ARL15: variants seen among roughly 807,000 people sequenced by gnomAD.
ARL15 encodes ADP-ribosylation factor-like protein 15.
A neutral mutation model predicts 25.2 loss-of-function variants in ARL15; 19 were observed. The observed-to-expected ratio is 0.75, with a 90% CI of 0.53 to 1.10. The LOEUF is 1.10. Ranked by LOEUF, ARL15 falls within the 50% of genes least tolerant of loss-of-function variation. ARL15 has a pLI of 0.00. For missense variants in ARL15, 220 were observed against 246.0 expected (o/e 0.89, Z 0.71); for synonymous variants, 94 against 86.8 (o/e 1.08, Z -0.46).
At chr5:53,960,197 T>C (rs945950233) in intron 4 of ARL15, among the ~76,000 whole-genome samples, 14 of 152,190 alleles carry the variant, frequency 9.2e-5, no homozygotes, top group African/African-American at 3.1e-4. Flanking sequence ...ATATATCATC[T>C]TCTCATTATC....
intron 3 of ARL15, 27 bp from the exon 4 acceptor site, chr5:54,113,437 T>C (rs1579812116): frequency 6.2e-7 from 1 of 1,602,176 alleles, no homozygotes; most frequent in Non-Finnish European, 8.5e-7. Flanking sequence ...AAATTTTCGT[T>C]TTAAAAAGAG....
intron 3 of ARL15, among the ~76,000 whole-genome samples, chr5:54,135,115 A>C (rs1008363511): frequency 1.3e-5 from 2 of 152,174 alleles, no homozygotes; most frequent in African/African-American, 4.8e-5. Context: ...GCACTTACAC[A>C]ATGAAATTTA....
chr5:54,106,834 G>A (rs1312771694), intron 4 of ARL15, among the ~76,000 whole-genome samples: 1 of 152,020 alleles, frequency 6.6e-6, no homozygotes, highest in African/African-American at 2.4e-5. Flanking sequence ...GGAGTAGACA[G>A]AGAAGTTATA....
intron 4 of ARL15, among the ~76,000 whole-genome samples, chr5:53,942,533 G>T (rs1580102877): frequency 6.6e-6 from 1 of 152,140 alleles, no homozygotes. Context: ...GGATCATGAG[G>T]TCAAGAGATC....
chr5:54,277,977 G>C (rs896621797), intron 1 of ARL15, among the ~76,000 whole-genome samples: 2 of 152,148 alleles, frequency 1.3e-5, no homozygotes, highest in Admixed American at 6.5e-5. Context: ...ACCATTCCTG[G>C]AGAAGGGCAA....
chr5:54,303,752 A>G (rs2112718408), intron 1 of ARL15, among the ~76,000 whole-genome samples: 1 of 144,170 alleles, frequency 6.9e-6, no homozygotes, highest in Non-Finnish European at 1.5e-5. Context: ...GGGGAGGGGA[A>G]AGGAGGGGAA....
intron 4 of ARL15, among the ~76,000 whole-genome samples, chr5:53,928,723 G>A (rs1182101571): frequency 6.6e-6 from 1 of 152,158 alleles, no homozygotes; most frequent in Admixed American, 6.5e-5. Context: ...ATTCCAGGAA[G>A]TGGCTGTCGG....
At chr5:54,163,356 C>CTTTTTT (rs869196680) in intron 2 of ARL15, among the ~76,000 whole-genome samples, 7 of 55,702 alleles carry the variant, frequency 1.3e-4, no homozygotes, top group Admixed American at 2.7e-4. Context: ...TGGTATGAAG[C>CTTTTTT]TTTTTTTTTT....
chr5:54,089,964 G>A (rs1325159926), intron 4 of ARL15, among the ~76,000 whole-genome samples: 2 of 152,072 alleles, frequency 1.3e-5, no homozygotes, highest in Non-Finnish European at 2.9e-5. Context: ...ACCATATACT[G>A]ATAAGGATAT....
chr5:54,109,527 G>GGATT (rs1262239401), intron 4 of ARL15, among the ~76,000 whole-genome samples: 1 of 151,850 alleles, frequency 6.6e-6, no homozygotes, highest in African/African-American at 2.4e-5. Flanking sequence ...AAGGAAAATA[G>GGATT]GATTACATTT....
intron 3 of ARL15, among the ~76,000 whole-genome samples, chr5:54,114,934 A>G (rs932016538): frequency 1.3e-5 from 2 of 152,222 alleles, no homozygotes; most frequent in Non-Finnish European, 2.9e-5. Flanking sequence ...CATCCACTGA[A>G]CATCTAGCTC....
intron 3 of ARL15, among the ~76,000 whole-genome samples, chr5:54,122,024 T>C (rs553562728): frequency 2.6e-5 from 4 of 152,294 alleles, no homozygotes; most frequent in African/African-American, 9.6e-5. Flanking sequence ...TACCTGGAAG[T>C]AAAAGGCTAC....
chr5:54,180,045 C>T (rs971091417), intron 1 of ARL15, among the ~76,000 whole-genome samples: 4 of 150,358 alleles, frequency 2.7e-5, no homozygotes, highest in African/African-American at 9.8e-5. Context: ...AAAGAGAAGC[C>T]CATGTGAGCT....
At chr5:53,948,726 T>C (rs1746834898) in intron 4 of ARL15, among the ~76,000 whole-genome samples, 2 of 152,230 alleles carry the variant, frequency 1.3e-5, no homozygotes, top group Admixed American at 1.3e-4. Flanking sequence ...CCAGGGGTCA[T>C]ACACTTGCTA....
intron 3 of ARL15, among the ~76,000 whole-genome samples, chr5:54,143,252 G>C (rs1753818725): frequency 6.6e-6 from 1 of 151,868 alleles, no homozygotes; most frequent in Non-Finnish European, 1.5e-5. Flanking sequence ...ATTTCTCTTA[G>C]TTTTAGCTTT....
At chr5:54,079,977 A>ACC (rs1159852222) in intron 4 of ARL15, among the ~76,000 whole-genome samples, 2 of 104,722 alleles carry the variant, frequency 1.9e-5, no homozygotes, top group Non-Finnish European at 3.5e-5. Flanking sequence ...TCACACACAC[A>ACC]CACACACACA....
intron 4 of ARL15, among the ~76,000 whole-genome samples, chr5:54,062,533 A>AG (rs1751102313): frequency 6.7e-6 from 1 of 148,582 alleles, no homozygotes; most frequent in South Asian, 2.1e-4. Context: ...AAAAAAAAAA[A>AG]CAACAGAAGC....
chr5:53,929,897 G>A (rs920895077), intron 4 of ARL15, among the ~76,000 whole-genome samples: 3 of 152,058 alleles, frequency 2.0e-5, no homozygotes, highest in Admixed American at 6.5e-5. Flanking sequence ...AGAGTTTAGT[G>A]TGGGCACACT....
In ARL15 at chr5:54,214,040, CA is replaced by C. The variant is rs375834506; in HGVS notation, c.49-42113del. 3.6e-4 allele frequency among the ~76,000 whole-genome samples: 55 copies of C among 151,178 alleles called. No individual in the cohort carries two copies. In the East Asian group the frequency reaches 8.4e-3, roughly 23 times the overall value. ...AAATAGCAGTCCCAAACAGAGTAAT[CA>C]AATGATTACTGTATGGCAAGAGCAA... On this transcript the variant is annotated intron_variant, in intron 1 of 4. Coordinates refer to ENST00000504924, the MANE Select transcript of ARL15 (RefSeq NM_019087.3).
Sources: gnomAD v4.1 joint callset for allele counts (sites outside exome capture counted in the v4.1 genomes callset) on GRCh38, gnomAD v4.1.1 for gene constraint, MANE v1.5 for transcripts, NCBI Gene and HGNC (gene_info 2026-07-23, HGNC 2026-07-21) for gene names.